Variants in SH3KBP1 observed in about 807,000 individuals in gnomAD.
The protein encoded by SH3KBP1 is SH3 domain-containing kinase-binding protein 1.
Under a neutral mutation model 50.1 loss-of-function variants are expected in SH3KBP1, and 8 were observed. The ratio of observed to expected loss-of-function variants is 0.16; its 90% CI spans 0.09 to 0.29. The LOEUF (loss-of-function observed/expected upper bound fraction) is 0.29. SH3KBP1 is among the 10% of genes least tolerant of loss of function. SH3KBP1 has a pLI of 1.00. For synonymous variants in SH3KBP1, 227 were observed against 218.6 expected (o/e 1.04, Z -0.34); for missense variants, 377 against 535.2 (o/e 0.70, Z 2.92).
intron 12 of SH3KBP1, among the ~76,000 whole-genome samples, chrX:19,584,042 T>C: frequency 1.1e-5 from 1 of 92,602 alleles, no homozygotes; most frequent in East Asian, 3.0e-4. Context: ...TATATATTTG[T>C]AATATTCTTT....
At chrX:19,830,806 AG>A (rs2067849622) in intron 2 of SH3KBP1, among the ~76,000 whole-genome samples, 2 of 111,473 alleles carry the variant, frequency 1.8e-5, no homozygotes, top group Non-Finnish European at 3.8e-5. Context: ...AAGAAAGAGA[AG>A]GGAGATTTTA....
chrX:19,831,946 T>C (rs2067910343), intron 2 of SH3KBP1, among the ~76,000 whole-genome samples: 1 of 111,839 alleles, frequency 8.9e-6, no homozygotes, highest in Admixed American at 9.5e-5. Flanking sequence ...TTTCAGCTTT[T>C]AGAATTCTCT....
intron 2 of SH3KBP1, among the ~76,000 whole-genome samples, chrX:19,832,716 C>T (rs1296387183): frequency 8.9e-6 from 1 of 111,762 alleles, no homozygotes; most frequent in African/African-American, 3.3e-5. Context: ...AGCCAAAGCC[C>T]ATGGGAAGCC....
At chrX:19,654,777 G>A (rs925771443) in intron 6 of SH3KBP1, among the ~76,000 whole-genome samples, 1 of 111,986 alleles carries the variant, frequency 8.9e-6, no homozygotes, top group African/African-American at 3.2e-5. Context: ...TGGTGGGTAA[G>A]GGAGAGAGAA....
chrX:19,873,641 C>T (rs947231910), intron 1 of SH3KBP1, among the ~76,000 whole-genome samples: 2 of 107,675 alleles, frequency 1.9e-5, no homozygotes, highest in African/African-American at 6.8e-5. Context: ...CACTGCACTC[C>T]AGCCTGGGGG....
intron 4 of SH3KBP1, among the ~76,000 whole-genome samples, chrX:19,701,716 G>C (rs2063540329): frequency 8.9e-6 from 1 of 112,110 alleles, no homozygotes. Context: ...ATCTTGGGTT[G>C]ATAGTTACCT....
chrX:19,722,555 T>TGTGC (rs1556306459), intron 3 of SH3KBP1, among the ~76,000 whole-genome samples: 1 of 96,663 alleles, frequency 1.0e-5, no homozygotes, highest in Non-Finnish European at 2.0e-5. Context: ...TGTGTGTGTG[T>TGTGC]GCGCGTGCGC....
In SH3KBP1 at chrX:19,723,079, G is replaced by A. The variant is rs147445145; in HGVS notation, c.287-16095C>T. 2.1e-4 allele frequency among the ~76,000 whole-genome samples: 22 copies of A among 105,477 alleles called. 1 individual carries two copies. The Admixed American group carries it at 2.2e-3, about 11-fold the overall frequency. The allele number at this position is 105,477 out of a possible 115,157, so 91.6% of individuals were successfully genotyped here. A position where few individuals can be genotyped will look rare whatever the true frequency, so the allele number is the denominator to read the frequency against. On this transcript the variant is annotated intron_variant, in intron 3 of 17. Transcript: ENST00000397821. ...GATTACCTGAGCTTGGGAAGTTGAGGCTGCAGTGAGCCAAGATCACGCCAC... is the reference window on the plus strand; with the variant it reads ...GATTACCTGAGCTTGGGAAGTTGAGACTGCAGTGAGCCAAGATCACGCCAC...
At chrX:19,829,994 A>G (rs998755519) in intron 2 of SH3KBP1, among the ~76,000 whole-genome samples, 2 of 110,958 alleles carry the variant, frequency 1.8e-5, no homozygotes, top group African/African-American at 6.6e-5. Flanking sequence ...CACCGTTGGG[A>G]GTGTAGCAGT....
chrX:19,876,383 A>C (rs1014331371), intron 1 of SH3KBP1, among the ~76,000 whole-genome samples: 1 of 111,250 alleles, frequency 9.0e-6, no homozygotes, highest in East Asian at 2.8e-4. Flanking sequence ...AAACAAACAA[A>C]AAAAACACCT....
At chrX:19,846,060 C>T (rs1417852368) in intron 1 of SH3KBP1, among the ~76,000 whole-genome samples, 1 of 110,705 alleles carries the variant, frequency 9.0e-6, no homozygotes, top group Non-Finnish European at 1.9e-5. Flanking sequence ...GTTTATGAAG[C>T]AATATTCTTT....
intron 1 of SH3KBP1, among the ~76,000 whole-genome samples, chrX:19,878,650 T>C (rs1011394196): frequency 1.8e-5 from 2 of 110,811 alleles, no homozygotes; most frequent in Non-Finnish European, 3.8e-5. Context: ...GGCTTCCAAG[T>C]GTTCTCCAAA....
intron 6 of SH3KBP1, among the ~76,000 whole-genome samples, chrX:19,665,031 G>C (rs1368365215): frequency 9.0e-6 from 1 of 111,636 alleles, no homozygotes; most frequent in Non-Finnish European, 1.9e-5. Flanking sequence ...TCTTGTTATC[G>C]ACTTTGTGAA....
At chrX:19,833,725 C>T (rs1286839805) in intron 2 of SH3KBP1, among the ~76,000 whole-genome samples, 6 of 111,384 alleles carry the variant, frequency 5.4e-5, no homozygotes, top group African/African-American at 2.0e-4. Flanking sequence ...CCCTCCTTCC[C>T]AGGGTCTTCT....
intron 1 of SH3KBP1, among the ~76,000 whole-genome samples, chrX:19,838,441 G>A (rs1236308491): frequency 8.9e-6 from 1 of 112,105 alleles, no homozygotes; most frequent in Non-Finnish European, 1.9e-5. Flanking sequence ...CCACCATGGG[G>A]TGCCCTGCAG....
intron 1 of SH3KBP1, among the ~76,000 whole-genome samples, chrX:19,872,833 TCA>T (rs774471891): frequency 2.0e-3 from 191 of 96,093 alleles, no homozygotes; most frequent in Middle Eastern, 5.0e-3. Context: ...TCTCTCTCTC[TCA>T]CACACACACA....
At chrX:19,786,470 T>C (rs1360079846) in intron 2 of SH3KBP1, among the ~76,000 whole-genome samples, 2 of 112,143 alleles carry the variant, frequency 1.8e-5, no homozygotes, top group African/African-American at 6.5e-5. Flanking sequence ...GGAATTTCAT[T>C]CTCTGGGCAA....
At chrX:19,672,671 T>A (rs946864101) in intron 6 of SH3KBP1, among the ~76,000 whole-genome samples, 2 of 111,710 alleles carry the variant, frequency 1.8e-5, no homozygotes, top group African/African-American at 6.5e-5. Context: ...ATGAGAAAAC[T>A]AAATGTGGTA....
intron 13 of SH3KBP1, among the ~76,000 whole-genome samples, chrX:19,558,660 A>G (rs1038936832): frequency 4.5e-5 from 5 of 111,914 alleles, no homozygotes; most frequent in African/African-American, 1.6e-4. Flanking sequence ...TCATCTTTCT[A>G]TTGTAAAAAC....
Sources: gnomAD v4.1 joint callset for allele counts (sites outside exome capture counted in the v4.1 genomes callset) on GRCh38, gnomAD v4.1.1 for gene constraint, MANE v1.5 for transcripts, NCBI Gene and HGNC (gene_info 2026-07-23, HGNC 2026-07-21) for gene names.